GDAP1: variants seen among roughly 807,000 people sequenced by gnomAD.
The protein encoded by GDAP1 is ganglioside induced differentiation associated protein 1, also known as ganglioside-induced differentiation-associated protein 1.
In GDAP1, 34 loss-of-function variants were observed where a neutral mutation model predicts 40.1. The observed-to-expected ratio is 0.85, with a 90% CI of 0.64 to 1.13. GDAP1 has a LOEUF of 1.13. Ranked by LOEUF, GDAP1 falls within the 50% of genes most tolerant of loss-of-function variation. GDAP1 has a pLI of 0.00. For synonymous variants in GDAP1, 170 were observed against 157.4 expected (o/e 1.08, Z -0.60); for missense variants, 374 against 433.7 (o/e 0.86, Z 1.22).
At position 74,365,588 on chromosome 8, in the gene GDAP1, CATAGAG is replaced by C; in HGVS notation, c.*1224_*1229del. On this transcript the variant is annotated 3_prime_UTR_variant, in exon 6 of 6. Coordinates refer to ENST00000220822, the MANE Select transcript of GDAP1 (RefSeq NM_018972.4). ...TTTCTGGTGTCTGGTGGGTAGCAGG[CATAGAG>C]ATGATGTGCCGAGGTCCCAGTGAAC... 2.2e-6 allele frequency: 1 copy of C among 454,240 alleles called. No individual in the cohort carries two copies. Among genetic ancestry groups the C allele is most frequent in the Non-Finnish European group, 4.4e-6 (1 of 226,740 alleles). The allele number at this position is 454,240 out of a possible 1,614,324, so 28.1% of individuals were successfully genotyped here.
intron 2 of GDAP1, among the ~76,000 whole-genome samples, chr8:74,422,217 T>A (rs1805867101): frequency 7.1e-6 from 1 of 140,624 alleles, no homozygotes; most frequent in Non-Finnish European, 1.6e-5. Flanking sequence ...CTCTCTCTTC[T>A]TTCTTTCCCT....
intron 2 of GDAP1, among the ~76,000 whole-genome samples, chr8:74,447,501 T>C (rs1002463668): frequency 6.6e-6 from 1 of 152,130 alleles, no homozygotes; most frequent in Admixed American, 6.6e-5. Context: ...GTGGAAAATA[T>C]CATACCTTAC....
At chr8:74,393,781 A>C (rs1186763025) in intron 2 of GDAP1, among the ~76,000 whole-genome samples, 1 of 152,236 alleles carries the variant, frequency 6.6e-6, no homozygotes, top group East Asian at 1.9e-4. Context: ...AAGTGTAATT[A>C]AATGAGGGCA....
intron 2 of GDAP1, among the ~76,000 whole-genome samples, chr8:74,463,459 TC>T (rs763956774): frequency 1.2e-5 from 1 of 80,554 alleles, no homozygotes; most frequent in African/African-American, 5.7e-5. Flanking sequence ...AGACCCTGTC[TC>T]AAAAAAAAAA....
downstream of GDAP1, chr8:74,367,235 C>G (rs536313442): frequency 2.6e-5 from 4 of 154,292 alleles, no homozygotes; most frequent in African/African-American, 9.6e-5. Context: ...TACATGTTTA[C>G]TGGGTTTCAA....
At chr8:74,447,191 C>A (rs901581257) in intron 2 of GDAP1, among the ~76,000 whole-genome samples, 3 of 151,866 alleles carry the variant, frequency 2.0e-5, no homozygotes, top group Non-Finnish European at 4.4e-5. Context: ...TGAAACACAC[C>A]AAAATTCTAT....
intron 2 of GDAP1, among the ~76,000 whole-genome samples, chr8:74,479,986 CTTTTTTTTT>C (rs71271807): frequency 9.7e-6 from 1 of 102,930 alleles, no homozygotes; most frequent in Admixed American, 1.0e-4. Context: ...AATGGACTCT[CTTTTTTTTT>C]TTTTTTTTTT....
In GDAP1 at chr8:74,420,810, A is replaced by AT. The variant is rs35436329; in HGVS notation, c.166-67858dup. On this transcript the variant is annotated intron_variant, in intron 2 of 2. Transcript: ENST00000523640. ...TACACTGTGGTATACTGATTCCTGTATTTTTTTTTTAATGTTTCAGCAATC... is the reference window on the plus strand; with the variant it reads ...TACACTGTGGTATACTGATTCCTGTATTTTTTTTTTTAATGTTTCAGCAATC... Among the ~76,000 whole-genome samples the AT allele has an allele frequency of 5.9e-3, 874 of 149,304 alleles. 8 individuals carry two copies. Among genetic ancestry groups the AT allele is most frequent in the African/African-American group, 0.019 (780 of 40,550 alleles).
chr8:74,447,584 C>A (rs1161607638), intron 2 of GDAP1, among the ~76,000 whole-genome samples: 4 of 152,106 alleles, frequency 2.6e-5, no homozygotes, highest in Non-Finnish European at 4.4e-5. Context: ...AGAAAAAAGA[C>A]CCTCTCAGCC....
At chr8:74,419,583 CTAT>C (rs1336608743) in intron 2 of GDAP1, among the ~76,000 whole-genome samples, 1 of 152,052 alleles carries the variant, frequency 6.6e-6, no homozygotes, top group African/African-American at 2.4e-5. Flanking sequence ...CCCAAGAGAG[CTAT>C]TATTTGAAAA....
At chr8:74,369,437 C>A (rs981881074), downstream of GDAP1, among the ~76,000 whole-genome samples, 1 of 151,876 alleles carries the variant, frequency 6.6e-6, no homozygotes, top group Non-Finnish European at 1.5e-5. Context: ...TAAAAGAAAC[C>A]AAATGGAAAT....
chr8:74,362,804 TGCTGAGTTTTTCTA>T (rs1809437365), intron 4 of GDAP1, 121 bp from the exon 5 acceptor site: 2 of 400,154 alleles, frequency 5.0e-6, no homozygotes, highest in African/African-American at 2.2e-5. Flanking sequence ...TTTTTTTTTT[TGCTGAGTTTTTCTA>T]TTTCTTCTCG....
chr8:74,362,548 C>T (rs139302813), intron 4 of GDAP1, among the ~76,000 whole-genome samples: 62 of 152,302 alleles, frequency 4.1e-4, no homozygotes, highest in African/African-American at 1.4e-3. Context: ...CTCCACTCGC[C>T]GTTTAACTCC....
At chr8:74,432,626 T>TG (rs1233844331) in intron 2 of GDAP1, among the ~76,000 whole-genome samples, 5 of 152,154 alleles carry the variant, frequency 3.3e-5, no homozygotes, top group Non-Finnish European at 7.4e-5. Context: ...GCTCCTGTGC[T>TG]TCCATGAATG....
chr8:74,470,863 C>A (rs577300922), intron 2 of GDAP1, among the ~76,000 whole-genome samples: 1 of 152,168 alleles, frequency 6.6e-6, no homozygotes, highest in Non-Finnish European at 1.5e-5. Flanking sequence ...AGTTTACAGT[C>A]CCACCAACAG....
Position 74,403,461 on chromosome 8 carries a change from G to A in GDAP1, c.165+52140G>A, listed in dbSNP as rs572777477. 2.3e-4 allele frequency among the ~76,000 whole-genome samples: 34 copies of A among 150,284 alleles called. 1 individual carries two copies. Among genetic ancestry groups the A allele is most frequent in the Admixed American group, 7.2e-4 (11 of 15,260 alleles). ...TTTGGGTGAATATCTCAGTTTACCC[G>A]TTCTACATAGGAGATGACTAGAATT... On this transcript the variant is annotated intron_variant, in intron 2 of 2. Transcript: ENST00000523640.
chr8:74,370,588 A>C (rs1225923398), downstream of GDAP1, among the ~76,000 whole-genome samples: 1 of 152,236 alleles, frequency 6.6e-6, no homozygotes, highest in Non-Finnish European at 1.5e-5. Flanking sequence ...ACAAATAAAC[A>C]GAAGGGACAA....
intron 2 of GDAP1, among the ~76,000 whole-genome samples, chr8:74,403,246 G>T (rs1041281153): frequency 2.7e-5 from 4 of 150,128 alleles, no homozygotes; most frequent in African/African-American, 7.6e-5. Flanking sequence ...ATTGTTTAAG[G>T]TTTATTAGTA....
chr8:74,350,627 C>A (rs1182572867), intron 1 of GDAP1, 49 bp downstream of exon 1: 2 of 1,124,056 alleles, frequency 1.8e-6, no homozygotes, highest in African/African-American at 3.0e-5. Flanking sequence ...GGCTTCAGCA[C>A]TGGGACAGCT....
Sources: allele counts gnomAD v4.1 joint callset (sites outside exome capture counted in the v4.1 genomes callset), GRCh38; gene constraint gnomAD v4.1.1; transcripts MANE v1.5; gene names NCBI Gene and HGNC (gene_info 2026-07-23, HGNC 2026-07-21).